The following SGIP1 variants were observed in gnomAD, a reference collection of about 807,000 sequenced individuals.
SGIP1 encodes SH3GL interacting endocytic adaptor 1, also known as SH3-containing GRB2-like protein 3-interacting protein 1.
In SGIP1, 38 loss-of-function variants were observed where a neutral mutation model predicts 107.5. That is an observed-to-expected ratio of 0.35 (90% CI 0.27 to 0.46). The LOEUF is 0.46. Among genes scored for constraint, SGIP1 ranks in the 20% least tolerant of loss-of-function variants. The probability of loss-of-function intolerance (pLI) is 1.00; values close to 1 mark genes in which losing one functional copy is unlikely to be tolerated. For synonymous variants in SGIP1, 365 were observed against 366.1 expected, an observed-to-expected ratio of 1.00 and a Z score of 0.03; for missense variants, 929 against 1,019.5, an observed-to-expected ratio of 0.91 and a Z score of 1.21.
chr1:66,730,483 AC>A (rs1448266142), intron 20 of SGIP1, among the ~76,000 whole-genome samples: 1 of 152,074 alleles, frequency 6.6e-6, no homozygotes, highest in Non-Finnish European at 1.5e-5. Context: ...TGAAGTGGCC[AC>A]TTTTTTCTTT....
chr1:66,730,615 T>C (rs1398472443), intron 20 of SGIP1, among the ~76,000 whole-genome samples: 2 of 152,194 alleles, frequency 1.3e-5, no homozygotes, highest in Non-Finnish European at 2.9e-5. Context: ...TGGTCTTTTG[T>C]GAGTAAATCA....
intron 15 of SGIP1, among the ~76,000 whole-genome samples, chr1:66,687,825 CAGAG>C (rs769374557): frequency 2.0e-5 from 3 of 152,058 alleles, no homozygotes; most frequent in Admixed American, 1.3e-4. Context: ...AAGGTGGAGA[CAGAG>C]AGGGAGCAGG....
chr1:66,587,680 G>T (rs538971395), intron 1 of SGIP1, among the ~76,000 whole-genome samples: 38 of 152,148 alleles, frequency 2.5e-4, no homozygotes, highest in African/African-American at 8.9e-4. Context: ...AATTCTAGTT[G>T]ACATTACCTT....
intron 19 of SGIP1, among the ~76,000 whole-genome samples, chr1:66,722,475 T>G (rs948369145): frequency 1.3e-5 from 2 of 152,204 alleles, no homozygotes; most frequent in Non-Finnish European, 2.9e-5. Context: ...TGGTTCACTG[T>G]TGTGTCCTCA....
intron 19 of SGIP1, among the ~76,000 whole-genome samples, chr1:66,726,912 A>G (rs1327654882): frequency 5.4e-5 from 8 of 148,350 alleles, no homozygotes; most frequent in African/African-American, 2.0e-4. Context: ...TTGAGACTAC[A>G]GTGAGCTATG....
At chr1:66,649,500 T>C (rs907990638) in intron 7 of SGIP1, among the ~76,000 whole-genome samples, 5 of 152,204 alleles carry the variant, frequency 3.3e-5, no homozygotes, top group Non-Finnish European at 4.4e-5. Context: ...TTTCTGCTAG[T>C]GCAGTGTAAA....
chr1:66,710,947 C>T (rs2092875685), intron 18 of SGIP1, among the ~76,000 whole-genome samples: 4 of 152,206 alleles, frequency 2.6e-5, no homozygotes, highest in Admixed American at 6.5e-5. Flanking sequence ...AATAATGGCT[C>T]CATTTATGAT....
At chr1:66,637,662 G>A (rs953150652) in intron 4 of SGIP1, among the ~76,000 whole-genome samples, 4 of 151,208 alleles carry the variant, frequency 2.6e-5, no homozygotes, top group African/African-American at 7.3e-5. Context: ...TGCCTAGATC[G>A]TCAAATTTAG....
intron 1 of SGIP1, among the ~76,000 whole-genome samples, chr1:66,535,060 G>T (rs1015254636): frequency 2.1e-4 from 32 of 152,184 alleles, no homozygotes; most frequent in African/African-American, 7.2e-4. Flanking sequence ...AGTATCAAAT[G>T]ATTATTTGCT....
intron 8 of SGIP1, among the ~76,000 whole-genome samples, chr1:66,663,429 G>A (rs946491103): frequency 2.0e-5 from 3 of 152,102 alleles, no homozygotes; most frequent in Non-Finnish European, 4.4e-5. Flanking sequence ...AAGTAAAATT[G>A]TGAACAGGAA....
chr1:66,556,807 C>T (rs2058247354), intron 1 of SGIP1, among the ~76,000 whole-genome samples: 1 of 152,048 alleles, frequency 6.6e-6, no homozygotes, highest in Non-Finnish European at 1.5e-5. Context: ...AAACTGTCCC[C>T]CCATTGGTTA....
intron 19 of SGIP1, 121 bp from the exon 20 acceptor site, chr1:66,729,143 C>A: frequency 1.8e-6 from 2 of 1,124,980 alleles, no homozygotes; most frequent in Non-Finnish European, 2.5e-6. Flanking sequence ...ATTGTAAGAG[C>A]CTGCCTTTTA....
chr1:66,697,977 G>A (rs2091246621), intron 18 of SGIP1, among the ~76,000 whole-genome samples: 1 of 152,158 alleles, frequency 6.6e-6, no homozygotes, highest in African/African-American at 2.4e-5. Context: ...GAAGAAGAAA[G>A]ATTCCCACTT....
chr1:66,625,258 G>A (rs1198388519), intron 1 of SGIP1, among the ~76,000 whole-genome samples: 1 of 152,162 alleles, frequency 6.6e-6, no homozygotes, highest in Admixed American at 6.5e-5. Flanking sequence ...AATAGAAAAA[G>A]CATTTCAACT....
At chr1:66,586,787 T>C (rs960660140) in intron 1 of SGIP1, among the ~76,000 whole-genome samples, 1 of 152,144 alleles carries the variant, frequency 6.6e-6, no homozygotes, top group Non-Finnish European at 1.5e-5. Flanking sequence ...TCTTCTTTCC[T>C]AATGTTCTAC....
chr1:66,632,323 G>C (rs1434211500), intron 2 of SGIP1, among the ~76,000 whole-genome samples: 1 of 152,170 alleles, frequency 6.6e-6, no homozygotes, highest in African/African-American at 2.4e-5. Context: ...TCAGAAGGAG[G>C]CATTTAGCAA....
chr1:66,634,693 T>G (rs1304330751), intron 3 of SGIP1, among the ~76,000 whole-genome samples: 2 of 152,234 alleles, frequency 1.3e-5, no homozygotes, highest in African/African-American at 4.8e-5. Context: ...ATTAGTTAAT[T>G]TTGATTTCTT....
At chr1:66,683,701 T>TTTTTTTTTTTTC (rs2087416968) in intron 15 of SGIP1, among the ~76,000 whole-genome samples, 1 of 46,672 alleles carries the variant, frequency 2.1e-5, no homozygotes, top group Non-Finnish European at 3.7e-5. Flanking sequence ...GTTTCTTTTC[T>TTTTTTTTTTTTC]TTTTTTTTTT....
intron 19 of SGIP1, among the ~76,000 whole-genome samples, chr1:66,727,578 C>T (rs1195721146): frequency 3.3e-5 from 5 of 152,164 alleles, no homozygotes; most frequent in African/African-American, 7.2e-5. Context: ...TACCCGTACA[C>T]GCGTATTCAT....
Sources: allele counts gnomAD v4.1 joint callset (sites outside exome capture counted in the v4.1 genomes callset), GRCh38; gene constraint gnomAD v4.1.1; transcripts MANE v1.5; gene names NCBI Gene and HGNC (gene_info 2026-07-23, HGNC 2026-07-21).